The following PDZRN3 variants were observed in gnomAD, a reference collection of about 807,000 sequenced individuals.
The protein encoded by PDZRN3 is PDZ domain containing ring finger 3, also known as E3 ubiquitin-protein ligase PDZRN3.
PDZRN3 carries 38 observed loss-of-function variants against 85.7 expected under a neutral mutation model. The observed-to-expected ratio is 0.44, with a 90% confidence interval of 0.34 to 0.58. The LOEUF is 0.58. Among genes scored for constraint, PDZRN3 ranks in the 20% least tolerant of loss-of-function variants. The probability of loss-of-function intolerance (pLI) is 0.01; values close to 1 mark genes in which losing one functional copy is unlikely to be tolerated. For synonymous variants in PDZRN3, 759 were observed against 638.0 expected (o/e 1.19, Z -2.86); for missense variants, 1,629 against 1,506.4 (o/e 1.08, Z -1.35).
At chr3:73,449,366 TAA>T (rs932369663) in intron 3 of PDZRN3, among the ~76,000 whole-genome samples, 2 of 145,140 alleles carry the variant, frequency 1.4e-5, no homozygotes, top group African/African-American at 2.5e-5. Context: ...CATCAGTCTT[TAA>T]AAAAAAAAAG....
intron 3 of PDZRN3, among the ~76,000 whole-genome samples, chr3:73,516,508 G>GT (rs1704258383): frequency 6.6e-6 from 1 of 152,296 alleles, no homozygotes; most frequent in South Asian, 2.1e-4. Flanking sequence ...ATTGGGTAGT[G>GT]TGTCTTTTTC....
chr3:73,600,333 A>ACCCTCTCTCT (rs1415189079), intron 3 of PDZRN3, among the ~76,000 whole-genome samples: 1 of 38,446 alleles, frequency 2.6e-5, no homozygotes, highest in African/African-American at 7.2e-5. Context: ...ACACACACAC[A>ACCCTCTCTCT]CACACTCTCT....
chr3:73,492,784 T>A (rs540443920), intron 3 of PDZRN3, among the ~76,000 whole-genome samples: 1 of 152,308 alleles, frequency 6.6e-6, no homozygotes, highest in South Asian at 2.1e-4. Context: ...ATTTTGAATG[T>A]TCCCAGTGCA....
intron 3 of PDZRN3, among the ~76,000 whole-genome samples, chr3:73,444,512 T>C (rs928452510): frequency 3.9e-5 from 6 of 152,336 alleles, no homozygotes; most frequent in African/African-American, 1.4e-4. Context: ...ATAGCTTCAT[T>C]ACCGTGATTA....
intron 3 of PDZRN3, among the ~76,000 whole-genome samples, chr3:73,429,908 C>A (rs1702396270): frequency 6.6e-6 from 1 of 152,164 alleles, no homozygotes; most frequent in Non-Finnish European, 1.5e-5. Context: ...CCCGTAGGAA[C>A]CTTTCTCAGG....
At chr3:73,568,958 T>G (rs954939642) in intron 3 of PDZRN3, among the ~76,000 whole-genome samples, 7 of 152,178 alleles carry the variant, frequency 4.6e-5, no homozygotes, top group Admixed American at 2.0e-4. Flanking sequence ...ATAACTGAAA[T>G]GATAGAGCCT....
At chr3:73,569,101 C>T (rs1402711194) in intron 3 of PDZRN3, 16 of 1,147,774 alleles carry the variant, frequency 1.4e-5, no homozygotes, top group Non-Finnish European at 1.9e-5. Context: ...AACTTTGAAC[C>T]CAGCTCACCT....
chr3:73,393,097 C>T (rs950693048), intron 5 of PDZRN3, among the ~76,000 whole-genome samples: 7 of 152,042 alleles, frequency 4.6e-5, no homozygotes, highest in African/African-American at 7.2e-5. Flanking sequence ...AATATCACGA[C>T]GGTTTAGGTC....
chr3:73,584,703 A>G (rs1490273966), intron 3 of PDZRN3, among the ~76,000 whole-genome samples: 1 of 152,198 alleles, frequency 6.6e-6, no homozygotes, highest in Non-Finnish European at 1.5e-5. Flanking sequence ...CTCTCTAAAT[A>G]CAAAAGCTAC....
chr3:73,505,441 A>G (rs913227704), intron 3 of PDZRN3, among the ~76,000 whole-genome samples: 1 of 152,220 alleles, frequency 6.6e-6, no homozygotes, highest in African/African-American at 2.4e-5. Flanking sequence ...TAATAATGCA[A>G]AAATACCTCT....
intron 4 of PDZRN3, chr3:73,401,954 A>C (rs1433410753): frequency 6.6e-6 from 1 of 152,218 alleles, no homozygotes; most frequent in Non-Finnish European, 1.5e-5. Flanking sequence ...GTGGCCATTC[A>C]AACAAGGGCT....
chr3:73,462,626 C>G (rs1289078687), intron 3 of PDZRN3, among the ~76,000 whole-genome samples: 1 of 151,846 alleles, frequency 6.6e-6, no homozygotes, highest in African/African-American at 2.4e-5. Context: ...AGAGGTAAGC[C>G]TGAAACACTT....
intron 3 of PDZRN3, chr3:73,474,595 C>G (rs2106892715): frequency 1.6e-6 from 2 of 1,272,944 alleles, no homozygotes; most frequent in East Asian, 1.1e-4. Flanking sequence ...TCATTGCGAT[C>G]TAAGCTTGGT....
intron 3 of PDZRN3, chr3:73,561,389 T>G (rs1008241831): frequency 6.6e-6 from 1 of 152,148 alleles, no homozygotes; most frequent in African/African-American, 2.4e-5. Flanking sequence ...GTGGCTACAA[T>G]GAAATGAGCA....
intron 3 of PDZRN3, among the ~76,000 whole-genome samples, chr3:73,484,002 G>A (rs1428763696): frequency 6.6e-6 from 1 of 152,136 alleles, no homozygotes; most frequent in African/African-American, 2.4e-5. Context: ...AGAAAGGACT[G>A]CAGGAAGGAA....
chr3:73,485,635 G>T (rs917955154), intron 3 of PDZRN3, among the ~76,000 whole-genome samples: 1 of 152,110 alleles, frequency 6.6e-6, no homozygotes, highest in Non-Finnish European at 1.5e-5. Context: ...ATGAGATCTT[G>T]GTCAAGTCCA....
intron 3 of PDZRN3, among the ~76,000 whole-genome samples, chr3:73,488,124 C>G (rs1001807541): frequency 6.6e-6 from 1 of 152,158 alleles, no homozygotes; most frequent in African/African-American, 2.4e-5. Context: ...CAGCACAGGT[C>G]TGATAGCTAC....
intron 3 of PDZRN3, among the ~76,000 whole-genome samples, chr3:73,560,374 T>C (rs35769035): frequency 0.19 from 28,793 of 151,982 alleles, 3,407 homozygotes; most frequent in East Asian, 0.28. Flanking sequence ...GAATTCAACC[T>C]CGAGGCTGAG....
At chr3:73,469,707 T>G (rs1022348624) in intron 3 of PDZRN3, among the ~76,000 whole-genome samples, 1 of 151,384 alleles carries the variant, frequency 6.6e-6, no homozygotes, top group African/African-American at 2.4e-5. Flanking sequence ...GCTGATGGGG[T>G]TTTTTTTTCA....
Sources: allele counts gnomAD v4.1 joint callset (sites outside exome capture counted in the v4.1 genomes callset), GRCh38; gene constraint gnomAD v4.1.1; transcripts MANE v1.5; gene names NCBI Gene and HGNC (gene_info 2026-07-23, HGNC 2026-07-21).